CUX2: variants seen among roughly 807,000 people sequenced by gnomAD.
CUX2 encodes the protein cut like homeobox 2, also known as homeobox protein cut-like 2.
Under a neutral mutation model 144.8 loss-of-function variants are expected in CUX2, and 40 were observed. The ratio of observed to expected loss-of-function variants is 0.28; its 90% CI spans 0.21 to 0.36. The LOEUF is 0.36. CUX2 is among the 10% of genes least tolerant of loss of function. CUX2 has a pLI of 1.00. For synonymous variants in CUX2, 827 were observed against 875.6 expected, an observed-to-expected ratio of 0.94 and a Z score of 0.98; for missense variants, 1,615 against 1,994.0, an observed-to-expected ratio of 0.81 and a Z score of 3.62.
At chr12:111,135,352 G>C (rs1464049980) in intron 1 of CUX2, among the ~76,000 whole-genome samples, 2 of 152,140 alleles carry the variant, frequency 1.3e-5, no homozygotes, top group East Asian at 3.9e-4. Flanking sequence ...CGGGGAAAGG[G>C]CATTCCTAGC....
chr12:111,155,923 TAA>T (rs61020614), intron 1 of CUX2, among the ~76,000 whole-genome samples: 204 of 144,624 alleles, frequency 1.4e-3, no homozygotes, highest in African/African-American at 4.7e-3. Context: ...GCTTAAAAAA[TAA>T]AAAAAAAAAA....
Position 111,291,454 on chromosome 12 carries a change from A to G in CUX2, c.338A>G (p.Asp113Gly). Residue 113 changes from aspartate to glycine, a missense_variant, in exon 5 of 22, where the codon GAC (aspartate) becomes GGC (glycine). Around this residue, in one of 12 missense-constraint regions of CUX2, gnomAD observed 295 missense variants for 400.2 expected, o/e 0.74. Transcript: ENST00000261726. ...VPVFEAARSLDDRLQPPSFDP... is the reference protein window; with the variant it reads ...VPVFEAARSLGDRLQPPSFDP... ...GTGTTTGAGGCGGCACGCAGCCTAG[A>G]CGACAGACTGCAGCCCCCCAGCTTT... 1 of 1,612,618 alleles carries G rather than the reference A, an allele frequency of 6.2e-7. No individual in the cohort carries two copies. Among genetic ancestry groups the G allele is most frequent in the Admixed American group, 1.7e-5 (1 of 59,874 alleles).
Position 111,133,380 on chromosome 12 carries a change from A to G in CUX2, c.64-80820A>G, listed in dbSNP as rs901013986. 5.3e-4 allele frequency among the ~76,000 whole-genome samples: 81 copies of G among 152,200 alleles called. 1 individual carries two copies. Among genetic ancestry groups the G allele is most frequent in the African/African-American group, 1.9e-3 (77 of 41,450 alleles). ...GAGGTTTCATTGGACTTACAGTTCC[A>G]TATGGCTGAGGTGGCCTCAGATTCA... is the stretch of plus-strand genomic sequence containing the variant. On this transcript the variant is annotated intron_variant, in intron 1 of 21. Transcript: ENST00000261726.
intron 1 of CUX2, among the ~76,000 whole-genome samples, chr12:111,090,324 C>T (rs1209664321): frequency 6.6e-6 from 1 of 152,154 alleles, no homozygotes; most frequent in African/African-American, 2.4e-5. Context: ...AGTGCAGTGG[C>T]ATGATCTCGG....
intron 1 of CUX2, among the ~76,000 whole-genome samples, chr12:111,161,631 A>G (rs1257019917): frequency 4.6e-5 from 7 of 152,360 alleles, no homozygotes; most frequent in Middle Eastern, 3.4e-3. Flanking sequence ...TAGTAGTTGC[A>G]CAGCAGTATG....
rs557744711 is a variant in CUX2 at position 111,236,246 on chromosome 12, A to G, written c.222+18309A>G. On this transcript the variant is annotated intron_variant, in intron 3 of 21. Transcript: ENST00000261726. Reference sequence around the variant, plus strand: ...GCTAAGAAAGGGCTCGTGCTGAACCAACAGATTCCTCAAACACGCTGCAGA... The same window carrying G: ...GCTAAGAAAGGGCTCGTGCTGAACCGACAGATTCCTCAAACACGCTGCAGA... Among the ~76,000 whole-genome samples the G allele has an allele frequency of 2.0e-4, 30 of 152,280 alleles. No homozygotes were observed. In the South Asian group the frequency reaches 6.0e-3, roughly 30 times the overall value.
chr12:111,092,409 CT>C (rs1872603753), intron 1 of CUX2, among the ~76,000 whole-genome samples: 2 of 152,186 alleles, frequency 1.3e-5, no homozygotes, highest in South Asian at 4.1e-4. Context: ...CACAGCTTGC[CT>C]TTCCCAGACC....
At chr12:111,325,469 G>A (rs916355408) in intron 18 of CUX2, among the ~76,000 whole-genome samples, 5 of 152,176 alleles carry the variant, frequency 3.3e-5, no homozygotes, top group Admixed American at 1.3e-4. Flanking sequence ...GTAGTGCAGT[G>A]ACTTGCCCAA....
At chr12:111,174,733 G>T (rs1037436663) in intron 1 of CUX2, among the ~76,000 whole-genome samples, 3 of 152,204 alleles carry the variant, frequency 2.0e-5, no homozygotes, top group Non-Finnish European at 1.5e-5. Context: ...CTGGTGACCA[G>T]ACAAAGGGAA....
At chr12:111,271,933 A>T (rs936643827) in intron 4 of CUX2, among the ~76,000 whole-genome samples, 2 of 152,210 alleles carry the variant, frequency 1.3e-5, no homozygotes, top group African/African-American at 4.8e-5. Context: ...TTCTCAACTT[A>T]GTGTGTAATG....
At chr12:111,284,632 C>T (rs190683164) in intron 4 of CUX2, among the ~76,000 whole-genome samples, 1 of 152,308 alleles carries the variant, frequency 6.6e-6, no homozygotes, top group East Asian at 1.9e-4. Context: ...GCTTAAAGGG[C>T]TGAAATGCTT....
chr12:111,304,084 A>T lies in CUX2; in HGVS notation c.754-126A>T, dbSNP rs2136357570. 1 of 686,540 alleles carries T rather than the reference A, an allele frequency of 1.5e-6. No individual in the cohort carries two copies. Among genetic ancestry groups the T allele is most frequent in the East Asian group, 2.7e-5 (1 of 36,370 alleles). 42.5% of individuals were successfully genotyped at this position (686,540 alleles called of 1,614,324 possible). A position where few individuals can be genotyped will look rare whatever the true frequency, so the allele number is the denominator to read the frequency against. The stretch of plus-strand genomic sequence containing the variant: ...TCATAGCTCCAGGACAGGGTCCGGG[A>T]CTAGGAAGGCAGGACCTGAGGCCCT... On this transcript the variant is annotated intron_variant, in intron 9 of 21. Transcript: ENST00000261726. The surrounding 1 kb of genome is among the most constrained non-coding windows in gnomAD (Gnocchi z 4.7).
chr12:111,084,740 T>C (rs1283313072), intron 1 of CUX2, among the ~76,000 whole-genome samples: 1 of 152,148 alleles, frequency 6.6e-6, no homozygotes, highest in Non-Finnish European at 1.5e-5. Context: ...GGTATGAGAG[T>C]GGCTGTGAAA....
intron 16 of CUX2, among the ~76,000 whole-genome samples, chr12:111,313,040 C>G (rs1188394368): frequency 2.6e-4 from 39 of 152,074 alleles, no homozygotes; most frequent in Admixed American, 2.6e-3. Flanking sequence ...TGACCTTGGG[C>G]AAGTTACTTA....
At chr12:111,220,076 G>A (rs1218700811) in intron 3 of CUX2, among the ~76,000 whole-genome samples, 1 of 151,872 alleles carries the variant, frequency 6.6e-6, no homozygotes, top group Non-Finnish European at 1.5e-5. Flanking sequence ...CCCAGGAGGC[G>A]GAGGTTGCAG....
rs1887586074 is a variant in CUX2 at position 111,322,525 on chromosome 12, G to C, written c.2871G>C (p.Leu957=). The C allele has an allele frequency of 3.7e-6, 6 of 1,609,344 alleles. No homozygotes were observed. The highest frequency in any genetic ancestry group is 5.1e-6 in the Non-Finnish European group (6 of 1,179,200). The change falls in exon 18 of 22, where the codon CTG becomes CTC. Residue 957 remains leucine (L), a synonymous_variant. Coordinates refer to ENST00000261726, the MANE Select transcript of CUX2 (RefSeq NM_015267.4). The surrounding 1 kb of genome is among the most constrained non-coding windows in gnomAD (Gnocchi z 4.2). ...GGGAGCCCTTCATCCGCATGCAGCT[G>C]TGGCTCTCTGACCAGCTCGGCCAGG... The part of the protein sequence containing the change: ...KGREPFIRMQ[L]WLSDQLGQAV...
At chr12:111,045,454 A>T (rs781388302) in intron 1 of CUX2, among the ~76,000 whole-genome samples, 16 of 152,220 alleles carry the variant, frequency 1.1e-4, no homozygotes, top group Non-Finnish European at 2.1e-4. Flanking sequence ...TCTACTTCAT[A>T]ATCATTTGGA....
chr12:111,179,003 C>T (rs374888625), intron 1 of CUX2, among the ~76,000 whole-genome samples: 2 of 152,218 alleles, frequency 1.3e-5, no homozygotes, highest in African/African-American at 4.8e-5. Flanking sequence ...GCCTTTTGCT[C>T]AAAGCCAGCA....
At chr12:111,175,481 T>C (rs1030663865) in intron 1 of CUX2, among the ~76,000 whole-genome samples, 3 of 151,818 alleles carry the variant, frequency 2.0e-5, no homozygotes, top group African/African-American at 7.3e-5. Flanking sequence ...TACTGGGAAA[T>C]GGTCAAGTGA....
Sources: allele counts gnomAD v4.1 joint callset (sites outside exome capture counted in the v4.1 genomes callset), GRCh38; gene constraint gnomAD v4.1.1; regional missense constraint gnomAD v4.1.1; non-coding constraint Gnocchi (gnomAD v3.1); transcripts MANE v1.5; gene names NCBI Gene and HGNC (gene_info 2026-07-23, HGNC 2026-07-21).